The following SHISA9 variants were observed in gnomAD, a reference collection of about 807,000 sequenced individuals.
The protein encoded by SHISA9 is shisa family member 9.
SHISA9 carries 13 observed loss-of-function variants against 38.0 expected under a neutral mutation model. The ratio of observed to expected loss-of-function variants is 0.34; its 90% confidence interval spans 0.22 to 0.54. SHISA9 has a LOEUF of 0.54. Ranked by LOEUF, SHISA9 falls within the 20% of genes least tolerant of loss-of-function variation. The probability of loss-of-function intolerance (pLI) is 0.91; values close to 1 mark genes in which losing one functional copy is unlikely to be tolerated. For synonymous variants in SHISA9, 275 were observed against 242.0 expected (o/e 1.14, Z -1.27); for missense variants, 538 against 575.8 (o/e 0.93, Z 0.67).
chr16:13,149,847 C>G (rs1303276521), intron 2 of SHISA9, among the ~76,000 whole-genome samples: 1 of 150,466 alleles, frequency 6.6e-6, no homozygotes, highest in Non-Finnish European at 1.5e-5. Flanking sequence ...ATCGCTTGAA[C>G]CTAGGAAGCA....
At chr16:13,379,143 C>T in the SHISA9 span, among the ~76,000 whole-genome samples, 1 of 152,088 alleles carries the variant, frequency 6.6e-6, no homozygotes, top group Non-Finnish European at 1.5e-5. Flanking sequence ...GCTTAACTCA[C>T]CTGTATCCCA....
chr16:13,079,252 A>T (rs1203949620), intron 2 of SHISA9, among the ~76,000 whole-genome samples: 1 of 152,204 alleles, frequency 6.6e-6, no homozygotes. Flanking sequence ...GCCCACTTGG[A>T]ATTACTTCTC....
chr16:13,259,493 G>T, the SHISA9 span, among the ~76,000 whole-genome samples: 6 of 152,236 alleles, frequency 3.9e-5, no homozygotes, highest in African/African-American at 1.4e-4. Flanking sequence ...CTGTGTGGGG[G>T]CTCCAACCTC....
the SHISA9 span, among the ~76,000 whole-genome samples, chr16:13,472,492 T>A: frequency 7.0e-6 from 1 of 142,776 alleles, no homozygotes; most frequent in East Asian, 2.3e-4. Context: ...CCCAGGTTCA[T>A]GCCATTGTCC....
At chr16:13,051,154 G>A (rs561450976) in intron 2 of SHISA9, among the ~76,000 whole-genome samples, 1 of 152,338 alleles carries the variant, frequency 6.6e-6, no homozygotes, top group Admixed American at 6.5e-5. Context: ...TAGGTAATTT[G>A]TAAAAGAAAG....
At chr16:13,450,410 C>T in the SHISA9 span, among the ~76,000 whole-genome samples, 1 of 152,144 alleles carries the variant, frequency 6.6e-6, no homozygotes, top group African/African-American at 2.4e-5. Context: ...TATGCTAATC[C>T]CACTAATTCT....
chr16:12,939,107 G>A (rs566081701), intron 2 of SHISA9, among the ~76,000 whole-genome samples: 1 of 151,906 alleles, frequency 6.6e-6, no homozygotes, highest in South Asian at 2.1e-4. Context: ...TCCTTCTGAT[G>A]GAGTCTCCCT....
At chr16:12,932,032 T>C (rs1212904926) in intron 2 of SHISA9, among the ~76,000 whole-genome samples, 1 of 152,148 alleles carries the variant, frequency 6.6e-6, no homozygotes. Context: ...TGATGGGTTT[T>C]TTAATAAAGT....
chr16:13,203,277 C>T (rs990253632), intron 2 of SHISA9, 117 bp from the exon 3 acceptor site: 26 of 1,008,566 alleles, frequency 2.6e-5, no homozygotes, highest in Middle Eastern at 3.1e-4. Flanking sequence ...TGCTGTTTTG[C>T]GACTTGCGTC....
chr16:13,063,256 T>G (rs1227376859), intron 2 of SHISA9, among the ~76,000 whole-genome samples: 1 of 152,094 alleles, frequency 6.6e-6, no homozygotes, highest in Non-Finnish European at 1.5e-5. Context: ...TCTGCCCACC[T>G]CAGTCTCCCC....
the SHISA9 span, among the ~76,000 whole-genome samples, chr16:13,554,363 G>A: frequency 1.3e-5 from 2 of 150,924 alleles, no homozygotes; most frequent in Non-Finnish European, 2.9e-5. Context: ...TGGGGATAAG[G>A]AAACAGAGGA....
At chr16:13,092,715 A>C (rs2073787592) in intron 2 of SHISA9, among the ~76,000 whole-genome samples, 1 of 152,206 alleles carries the variant, frequency 6.6e-6, no homozygotes, top group Admixed American at 6.5e-5. Context: ...CCGTTTTTCC[A>C]GGTAGTCTGT....
intron 2 of SHISA9, among the ~76,000 whole-genome samples, chr16:13,080,790 AC>A (rs1173140391): frequency 2.0e-5 from 3 of 152,258 alleles, no homozygotes; most frequent in African/African-American, 7.2e-5. Context: ...GTTAGTCACC[AC>A]AGACCATAGA....
At chr16:13,553,772 CA>C in the SHISA9 span, among the ~76,000 whole-genome samples, 1 of 152,196 alleles carries the variant, frequency 6.6e-6, no homozygotes, top group East Asian at 1.9e-4. Flanking sequence ...GAATCACCAC[CA>C]AACTGTTCAC....
chr16:13,058,078 T>G (rs1253061265), intron 2 of SHISA9, among the ~76,000 whole-genome samples: 2 of 152,234 alleles, frequency 1.3e-5, no homozygotes, highest in African/African-American at 4.8e-5. Flanking sequence ...GAGAGCAGTT[T>G]CCACATACAA....
chr16:13,375,464 C>T, the SHISA9 span, among the ~76,000 whole-genome samples: 3 of 152,186 alleles, frequency 2.0e-5, no homozygotes, highest in South Asian at 6.2e-4. Context: ...TCAGGTTTGT[C>T]AAAGATCAGG....
chr16:13,037,795 G>A (rs2073092191), intron 2 of SHISA9, among the ~76,000 whole-genome samples: 1 of 152,110 alleles, frequency 6.6e-6, no homozygotes, highest in Admixed American at 6.5e-5. Context: ...TCTCTCAAAT[G>A]GGCTAAACAT....
At chr16:13,469,363 GAA>G in the SHISA9 span, among the ~76,000 whole-genome samples, 3,138 of 50,004 alleles carry the variant, frequency 0.063, 47 homozygotes, top group Admixed American at 0.09. Flanking sequence ...AGAAAGAAAA[GAA>G]AAAGAAAGAA....
chr16:13,080,967 C>G (rs186130154), intron 2 of SHISA9, among the ~76,000 whole-genome samples: 4 of 152,268 alleles, frequency 2.6e-5, no homozygotes. Context: ...GGTAATCTCT[C>G]TCATGTCTCT....
Sources: allele counts gnomAD v4.1 joint callset (sites outside exome capture counted in the v4.1 genomes callset), GRCh38; gene constraint gnomAD v4.1.1; transcripts MANE v1.5; gene names NCBI Gene and HGNC (gene_info 2026-07-23, HGNC 2026-07-21).